Variants in GRIK2 observed in about 807,000 individuals in gnomAD.
GRIK2 encodes glutamate receptor ionotropic, kainate 2.
In GRIK2, 32 loss-of-function variants were observed where a neutral mutation model predicts 100.3. The observed-to-expected ratio is 0.32, with a 90% CI of 0.24 to 0.43. GRIK2 has a LOEUF of 0.43. Ranked by LOEUF, GRIK2 falls within the 20% of genes least tolerant of loss-of-function variation. The pLI, the probability that GRIK2 is intolerant of heterozygous loss-of-function variation, is 1.00. For missense variants in GRIK2, 843 were observed against 1,114.9 expected, an observed-to-expected ratio of 0.76 and a Z score of 3.47; for synonymous variants, 417 against 389.4, an observed-to-expected ratio of 1.07 and a Z score of -0.83.
chr6:102,043,512 G>A (rs571477664), intron 15 of GRIK2, among the ~76,000 whole-genome samples: 9 of 151,848 alleles, frequency 5.9e-5, no homozygotes, highest in Non-Finnish European at 1.0e-4. Context: ...TGTGATATCC[G>A]TCTTTTTGTG....
At chr6:101,903,033 G>A (rs1460982786) in intron 12 of GRIK2, among the ~76,000 whole-genome samples, 1 of 151,744 alleles carries the variant, frequency 6.6e-6, no homozygotes, top group Non-Finnish European at 1.5e-5. Context: ...TATCCTCATA[G>A]TTACAAGATA....
At chr6:101,924,016 A>G (rs927457331) in intron 12 of GRIK2, among the ~76,000 whole-genome samples, 8 of 151,770 alleles carry the variant, frequency 5.3e-5, no homozygotes, top group African/African-American at 1.9e-4. Context: ...TAATGTCAGA[A>G]GCGTGTATTA....
chr6:101,705,509 CT>C (rs1325052187), intron 7 of GRIK2, among the ~76,000 whole-genome samples: 1 of 151,672 alleles, frequency 6.6e-6, no homozygotes, highest in Non-Finnish European at 1.5e-5. Flanking sequence ...AGAACATTTT[CT>C]TTTAATGACT....
chr6:101,414,590 C>G (rs1161835783), intron 2 of GRIK2, among the ~76,000 whole-genome samples: 2 of 152,074 alleles, frequency 1.3e-5, no homozygotes, highest in African/African-American at 4.8e-5. Flanking sequence ...CTGTAAGTTT[C>G]TGGGGTCTAT....
chr6:101,765,535 T>C (rs1777995310), intron 7 of GRIK2, among the ~76,000 whole-genome samples: 1 of 152,156 alleles, frequency 6.6e-6, no homozygotes, highest in African/African-American at 2.4e-5. Context: ...TCAGATTGCA[T>C]TTCAGCTTTG....
intron 14 of GRIK2, among the ~76,000 whole-genome samples, chr6:102,014,420 G>A (rs967423017): frequency 6.6e-6 from 1 of 151,496 alleles, no homozygotes; most frequent in African/African-American, 2.4e-5. Context: ...TTTTGAATAG[G>A]TTTTCATATC....
chr6:101,654,280 G>C (rs1376213098), intron 4 of GRIK2, among the ~76,000 whole-genome samples: 1 of 151,930 alleles, frequency 6.6e-6, no homozygotes, highest in Non-Finnish European at 1.5e-5. Flanking sequence ...GATACAACTG[G>C]GATCGTGATG....
intron 14 of GRIK2, among the ~76,000 whole-genome samples, chr6:101,957,315 T>C (rs1335334997): frequency 6.6e-6 from 1 of 151,910 alleles, no homozygotes; most frequent in Non-Finnish European, 1.5e-5. Flanking sequence ...TCTCTTCAAA[T>C]CTTTCACCCA....
chr6:101,635,745 A>G (rs1004212035), intron 4 of GRIK2, among the ~76,000 whole-genome samples: 1 of 152,208 alleles, frequency 6.6e-6, no homozygotes, highest in Non-Finnish European at 1.5e-5. Flanking sequence ...CAAACATATG[A>G]AAAAAAGCTC....
At chr6:101,500,742 T>A (rs938512120) in intron 2 of GRIK2, among the ~76,000 whole-genome samples, 12 of 152,078 alleles carry the variant, frequency 7.9e-5, no homozygotes, top group African/African-American at 2.9e-4. Flanking sequence ...AGACTTGTAT[T>A]TATGTTTATT....
At chr6:101,633,385 A>G (rs1472620384) in intron 4 of GRIK2, among the ~76,000 whole-genome samples, 1 of 152,144 alleles carries the variant, frequency 6.6e-6, no homozygotes, top group Admixed American at 6.6e-5. Context: ...CCTGTCGTGT[A>G]GTTTTTAGCA....
chr6:101,964,762 A>G (rs565894903), intron 14 of GRIK2, among the ~76,000 whole-genome samples: 6 of 152,280 alleles, frequency 3.9e-5, no homozygotes, highest in African/African-American at 1.4e-4. Context: ...ACACCACCAC[A>G]GTAAGAAACA....
chr6:101,713,622 G>C (rs1773864951), intron 7 of GRIK2, among the ~76,000 whole-genome samples: 1 of 151,770 alleles, frequency 6.6e-6, no homozygotes. Context: ...TTCCATTCCA[G>C]CTCAGTCTAA....
chr6:101,859,080 G>GT lies in GRIK2; in HGVS notation c.1318-199dup, dbSNP rs999292985. 9.2e-5 allele frequency among the ~76,000 whole-genome samples: 14 copies of GT among 151,684 alleles called. No homozygotes were observed. The East Asian group carries it at 1.4e-3, about 15-fold the overall frequency. On this transcript the variant is annotated intron_variant, in intron 10 of 16. Transcript: ENST00000369134. ...GTCATGGTGGGATTACAATAGTTAA[G>GT]TTTTTTTTGTAAAGCACTACTATTT...
intron 2 of GRIK2, among the ~76,000 whole-genome samples, chr6:101,621,498 C>T (rs1021397189): frequency 1.7e-4 from 26 of 151,850 alleles, no homozygotes; most frequent in African/African-American, 4.3e-4. Flanking sequence ...TGAATGGAGA[C>T]GGAATTTAAC....
intron 2 of GRIK2, among the ~76,000 whole-genome samples, chr6:101,552,754 T>C (rs894743796): frequency 1.3e-5 from 2 of 152,166 alleles, no homozygotes; most frequent in African/African-American, 2.4e-5. Flanking sequence ...GTACTCAGCA[T>C]TCTATTATAA....
At chr6:101,506,365 T>A (rs1396186760) in intron 2 of GRIK2, among the ~76,000 whole-genome samples, 1 of 152,194 alleles carries the variant, frequency 6.6e-6, no homozygotes, top group Non-Finnish European at 1.5e-5. Flanking sequence ...ATTGCCTTAA[T>A]CCTTTAATAT....
chr6:102,000,031 A>G (rs996600905), intron 14 of GRIK2, among the ~76,000 whole-genome samples: 7 of 151,860 alleles, frequency 4.6e-5, no homozygotes, highest in African/African-American at 1.7e-4. Flanking sequence ...TTTTTTGTAT[A>G]GTGTTGAATC....
At chr6:101,865,953 A>G (rs1785030210) in intron 11 of GRIK2, among the ~76,000 whole-genome samples, 1 of 151,966 alleles carries the variant, frequency 6.6e-6, no homozygotes, top group African/African-American at 2.4e-5. Context: ...ACCAACAACA[A>G]CAAATAAAAA....
Sources: gnomAD v4.1 joint callset for allele counts (sites outside exome capture counted in the v4.1 genomes callset) on GRCh38, gnomAD v4.1.1 for gene constraint, MANE v1.5 for transcripts, NCBI Gene and HGNC (gene_info 2026-07-23, HGNC 2026-07-21) for gene names.